Variants in JDP2 observed in about 807,000 individuals in gnomAD.
The protein encoded by JDP2 is Jun dimerization protein 2.
Under a neutral mutation model 17.1 loss-of-function variants are expected in JDP2, and 9 were observed. That is an observed-to-expected ratio of 0.53 (90% CI 0.32 to 0.92). JDP2 has a LOEUF of 0.92. Ranked by LOEUF, JDP2 falls within the 40% of genes least tolerant of loss-of-function variation. The probability of loss-of-function intolerance (pLI) is 0.04; values close to 1 mark genes in which losing one functional copy is unlikely to be tolerated. For missense variants in JDP2, 179 were observed against 220.0 expected, an observed-to-expected ratio of 0.81 and a Z score of 1.18; for synonymous variants, 107 against 95.6, an observed-to-expected ratio of 1.12 and a Z score of -0.69.
chr14:75,467,119 A>G (rs1221184602), intron 3 of JDP2, among the ~76,000 whole-genome samples: 1 of 152,182 alleles, frequency 6.6e-6, no homozygotes, highest in Non-Finnish European at 1.5e-5. Context: ...CCAGAGCTAC[A>G]GGCTGGCTCT....
At chr14:75,432,301 G>T (rs1435821023) in intron 1 of JDP2, 1 of 1,551,098 alleles carries the variant, frequency 6.4e-7, no homozygotes. Context: ...CCAAGAAGAG[G>T]CTTGGTGGTT....
chr14:75,463,570 C>G (rs1330033456), intron 3 of JDP2, among the ~76,000 whole-genome samples: 2 of 152,086 alleles, frequency 1.3e-5, no homozygotes, highest in African/African-American at 4.8e-5. Flanking sequence ...CTGGTCTAGG[C>G]TAAGGAAAGG....
chr14:75,465,504 T>G (rs898012960), intron 3 of JDP2, among the ~76,000 whole-genome samples: 2 of 152,012 alleles, frequency 1.3e-5, no homozygotes, highest in Non-Finnish European at 1.5e-5. Flanking sequence ...TAATTTTCTG[T>G]TTTTTTGTAG....
At chr14:75,437,657 G>A (rs1056770529) in intron 1 of JDP2, among the ~76,000 whole-genome samples, 2 of 152,228 alleles carry the variant, frequency 1.3e-5, no homozygotes, top group African/African-American at 4.8e-5. Context: ...GTCAAGCATT[G>A]CCTTCAAAAT....
At chr14:75,439,222 A>G (rs1885222858) in intron 2 of JDP2, among the ~76,000 whole-genome samples, 2 of 152,072 alleles carry the variant, frequency 1.3e-5, no homozygotes, top group Admixed American at 1.3e-4. Flanking sequence ...TTCTCCTGAT[A>G]GGTACCTAAA....
Position 75,473,689 on chromosome 14 carries a change from A to G in JDP2, c.*4214A>G, listed in dbSNP as rs1019349500. The G allele has an allele frequency of 6.6e-6, 1 of 152,236 alleles. No homozygotes were observed. Among genetic ancestry groups the G allele is most frequent in the African/African-American group, 2.4e-5 (1 of 41,460 alleles). 9.4% of individuals were successfully genotyped at this position (152,236 alleles called of 1,614,324 possible). On this transcript the variant is annotated 3_prime_UTR_variant, in exon 4 of 4. Coordinates refer to ENST00000651602, the MANE Select transcript of JDP2 (RefSeq NM_001135048.2). Reference sequence around the variant, plus strand: ...GTATCAATATGGATAAATCTCAGAAACCTACTGTTGAGATGGAGGGTAGGG... The same window carrying G: ...GTATCAATATGGATAAATCTCAGAAGCCTACTGTTGAGATGGAGGGTAGGG...
intron 1 of JDP2, 31 bp from the exon 2 acceptor site, chr14:75,437,867 G>A: frequency 6.7e-7 from 1 of 1,499,566 alleles, no homozygotes; most frequent in Non-Finnish European, 9.0e-7. Flanking sequence ...CAACCTGGCT[G>A]ACTGTCCTGC....
intron 2 of JDP2, among the ~76,000 whole-genome samples, chr14:75,445,860 TAAAAAGAAAATCCACAGAATGAG>T (rs2139966323): frequency 6.6e-6 from 1 of 152,062 alleles, no homozygotes; most frequent in South Asian, 2.1e-4. Flanking sequence ...GGACACAAAG[TAAAAAGAAAATCCACAGAATGAG>T]AGAAAATGTT....
intron 2 of JDP2, among the ~76,000 whole-genome samples, chr14:75,460,202 C>T (rs748780978): frequency 2.0e-5 from 3 of 152,186 alleles, no homozygotes; most frequent in Non-Finnish European, 4.4e-5. Flanking sequence ...TTCCAGGGGT[C>T]GTATTTCACG....
chr14:75,455,881 C>T (rs1026372823), intron 2 of JDP2, among the ~76,000 whole-genome samples: 1 of 152,142 alleles, frequency 6.6e-6, no homozygotes, highest in Non-Finnish European at 1.5e-5. Context: ...GCTTTGGTAC[C>T]GACCGAGGTG....
chr14:75,459,881 G>A (rs904705787), intron 2 of JDP2, among the ~76,000 whole-genome samples: 1 of 152,222 alleles, frequency 6.6e-6, no homozygotes, highest in Non-Finnish European at 1.5e-5. Context: ...GGGGCTGTAA[G>A]GGCTGGTGGT....
At chr14:75,448,895 C>T (rs1342163429) in intron 2 of JDP2, among the ~76,000 whole-genome samples, 1 of 152,204 alleles carries the variant, frequency 6.6e-6, no homozygotes, top group Non-Finnish European at 1.5e-5. Flanking sequence ...CTATCTGCCT[C>T]AGTGTGGCAA....
chr14:75,458,606 G>A (rs900113944), intron 2 of JDP2, among the ~76,000 whole-genome samples: 1 of 152,122 alleles, frequency 6.6e-6, no homozygotes, highest in African/African-American at 2.4e-5. Context: ...CTTTGCTATT[G>A]TGAACAGTGC....
Position 75,470,465 on chromosome 14 carries a change from T to C in JDP2, c.*990T>C, listed in dbSNP as rs1886777903. 6.6e-6 allele frequency: 1 copy of C among 152,642 alleles called. No individual in the cohort carries two copies. The highest frequency in any genetic ancestry group is 2.4e-5 in the African/African-American group (1 of 41,438). 9.5% of individuals were successfully genotyped at this position (152,642 alleles called of 1,614,324 possible). ...ATTGCTCTTACTTACATAGCCGCCT[T>C]GCGTGGTGTCTGCCTGGGGAATGGG... On this transcript the variant is annotated 3_prime_UTR_variant, in exon 4 of 4. Coordinates refer to ENST00000651602, the MANE Select transcript of JDP2 (RefSeq NM_001135048.2).
chr14:75,474,042 G>A lies in JDP2; in HGVS notation c.*4567G>A, dbSNP rs1193534822. Reference sequence around the variant, plus strand: ...GTGGGTGATGTGTGCACAGATGTGGGCTATCTTCTCCACACTCCTCTGTAT... The same window carrying A: ...GTGGGTGATGTGTGCACAGATGTGGACTATCTTCTCCACACTCCTCTGTAT... On this transcript the variant is annotated 3_prime_UTR_variant, in exon 4 of 4. Coordinates refer to ENST00000651602, the MANE Select transcript of JDP2 (RefSeq NM_001135048.2). 1 of 151,908 alleles carries A rather than the reference G, an allele frequency of 6.6e-6. No homozygotes were observed. The highest frequency in any genetic ancestry group is 1.5e-5 in the Non-Finnish European group (1 of 68,010). 9.4% of individuals were successfully genotyped at this position (151,908 alleles called of 1,614,324 possible).
At chr14:75,466,309 C>T (rs1028431185) in intron 3 of JDP2, among the ~76,000 whole-genome samples, 3 of 152,136 alleles carry the variant, frequency 2.0e-5, no homozygotes, top group Admixed American at 1.3e-4. Flanking sequence ...GGCGTGGTGG[C>T]ACATGCCTGT....
intron 2 of JDP2, among the ~76,000 whole-genome samples, chr14:75,456,394 C>T (rs1031369966): frequency 6.6e-6 from 1 of 152,180 alleles, no homozygotes. Flanking sequence ...GCCTGTTTGT[C>T]GGGAGTGCTC....
Position 75,473,552 on chromosome 14 carries a change from A to T in JDP2, c.*4077A>T, listed in dbSNP as rs1886854493. On this transcript the variant is annotated 3_prime_UTR_variant, in exon 4 of 4. Coordinates refer to ENST00000651602, the MANE Select transcript of JDP2 (RefSeq NM_001135048.2). ...CACTGATGGCTTTGTTTGTATTTTT[A>T]AAAAGTTGAAAACAACCTAAATGAT... 1 of 152,218 alleles carries T rather than the reference A, an allele frequency of 6.6e-6. No individual in the cohort carries two copies. Among genetic ancestry groups the T allele is most frequent in the African/African-American group, 2.4e-5 (1 of 41,460 alleles). The allele number at this position is 152,218 out of a possible 1,614,324, so 9.4% of individuals were successfully genotyped here.
At chr14:75,467,457 G>A (rs1355363118) in intron 3 of JDP2, among the ~76,000 whole-genome samples, 2 of 152,166 alleles carry the variant, frequency 1.3e-5, no homozygotes, top group Non-Finnish European at 2.9e-5. Context: ...CCAGTTGGGG[G>A]CTCATGGCTC....
Sources: gnomAD v4.1 joint callset for allele counts (sites outside exome capture counted in the v4.1 genomes callset) on GRCh38, gnomAD v4.1.1 for gene constraint, MANE v1.5 for transcripts, NCBI Gene and HGNC (gene_info 2026-07-23, HGNC 2026-07-21) for gene names.